Variants in NEGR1 observed in about 807,000 individuals in gnomAD.
NEGR1 encodes IgLON family member 4.
In NEGR1, 10 loss-of-function variants were observed where a neutral mutation model predicts 40.9. That is an observed-to-expected ratio of 0.24 (90% CI 0.15 to 0.42). The LOEUF is 0.42. NEGR1 is among the 10% of genes least tolerant of loss of function. The pLI is 1.00. For missense variants in NEGR1, 352 were observed against 438.9 expected (o/e 0.80, Z 1.77); for synonymous variants, 185 against 166.8 (o/e 1.11, Z -0.84).
intron 1 of NEGR1, among the ~76,000 whole-genome samples, chr1:72,238,526 C>A (rs575086825): frequency 4.2e-4 from 64 of 151,872 alleles, no homozygotes; most frequent in African/African-American, 1.5e-3. Context: ...CAGCCCACTG[C>A]TCTAATAGTC....
At chr1:71,840,922 A>C (rs945583886) in intron 2 of NEGR1, among the ~76,000 whole-genome samples, 1 of 152,186 alleles carries the variant, frequency 6.6e-6, no homozygotes, top group African/African-American at 2.4e-5. Flanking sequence ...CTCTCCATGC[A>C]AGAGAGAACT....
chr1:72,063,075 A>C (rs1267082719), intron 1 of NEGR1, among the ~76,000 whole-genome samples: 1 of 151,612 alleles, frequency 6.6e-6, no homozygotes. Context: ...ATTATGATAT[A>C]GTATTTATTT....
At chr1:72,023,775 C>T (rs990109958) in intron 1 of NEGR1, among the ~76,000 whole-genome samples, 1 of 151,726 alleles carries the variant, frequency 6.6e-6, no homozygotes, top group Non-Finnish European at 1.5e-5. Flanking sequence ...AAGAGAAAAC[C>T]GTTTAATGAA....
intron 5 of NEGR1, among the ~76,000 whole-genome samples, chr1:71,610,143 A>G (rs545028276): frequency 6.6e-6 from 1 of 152,342 alleles, no homozygotes; most frequent in South Asian, 2.1e-4. Flanking sequence ...CAGCATGAGA[A>G]TGGACTAATA....
intron 1 of NEGR1, among the ~76,000 whole-genome samples, chr1:71,939,665 G>T (rs1645941380): frequency 6.6e-6 from 1 of 152,004 alleles, no homozygotes; most frequent in African/African-American, 2.4e-5. Context: ...TCAGTGATCA[G>T]AAAAAAAGGC....
At chr1:72,201,668 G>A (rs892133959) in intron 1 of NEGR1, among the ~76,000 whole-genome samples, 2 of 151,468 alleles carry the variant, frequency 1.3e-5, no homozygotes, top group East Asian at 3.9e-4. Flanking sequence ...ATGTTAAAAT[G>A]TGGTGGGGGG....
intron 6 of NEGR1, among the ~76,000 whole-genome samples, chr1:71,466,911 G>C (rs1175910427): frequency 6.6e-6 from 1 of 152,084 alleles, no homozygotes; most frequent in Non-Finnish European, 1.5e-5. Flanking sequence ...GATTCAGAGA[G>C]CATTTCACAG....
At chr1:71,796,349 A>G (rs554000228) in intron 2 of NEGR1, among the ~76,000 whole-genome samples, 10 of 152,194 alleles carry the variant, frequency 6.6e-5, no homozygotes, top group Admixed American at 1.3e-4. Flanking sequence ...AATGTGCAGC[A>G]CTATCATCAA....
chr1:71,416,497 G>A (rs1303647569), intron 6 of NEGR1, among the ~76,000 whole-genome samples: 1 of 151,986 alleles, frequency 6.6e-6, no homozygotes. Context: ...GATTTTTCCA[G>A]TGAAATGAAG....
At chr1:71,873,963 T>C (rs1396302298) in intron 2 of NEGR1, among the ~76,000 whole-genome samples, 1 of 152,180 alleles carries the variant, frequency 6.6e-6, no homozygotes, top group East Asian at 1.9e-4. Context: ...TTTTCATGCT[T>C]ATTTGCTTCA....
intron 5 of NEGR1, among the ~76,000 whole-genome samples, chr1:71,595,813 C>G (rs1046504981): frequency 6.6e-6 from 1 of 152,114 alleles, no homozygotes; most frequent in Non-Finnish European, 1.5e-5. Context: ...TGAGCCACAG[C>G]TAGAAGCTCC....
chr1:71,587,996 G>T (rs1376403915), intron 6 of NEGR1, among the ~76,000 whole-genome samples: 1 of 152,098 alleles, frequency 6.6e-6, no homozygotes, highest in Non-Finnish European at 1.5e-5. Flanking sequence ...TAGATGGCAA[G>T]TCTTTGAATA....
At position 71,404,936 on chromosome 1, in the gene NEGR1, A is replaced by G. The variant is rs964676941; in HGVS notation, c.*2510T>C. On this transcript the variant is annotated 3_prime_UTR_variant, in exon 7 of 7. Transcript: ENST00000357731. Reference sequence around the variant, plus strand: ...GCAATACATTCACACAAAAAAGCAAATACTGTAGCCTTATTTGACAATATT... The same window carrying G: ...GCAATACATTCACACAAAAAAGCAAGTACTGTAGCCTTATTTGACAATATT... 6.6e-6 allele frequency: 1 copy of G among 152,254 alleles called. No homozygotes were observed. Among genetic ancestry groups the G allele is most frequent in the East Asian group, 1.9e-4 (1 of 5,192 alleles). 9.4% of individuals were successfully genotyped at this position (152,254 alleles called of 1,614,324 possible).
intron 3 of NEGR1, among the ~76,000 whole-genome samples, chr1:71,762,647 G>C (rs1483588200): frequency 6.6e-6 from 1 of 152,032 alleles, no homozygotes; most frequent in Non-Finnish European, 1.5e-5. Flanking sequence ...CTATAACTGG[G>C]AAAGATCTCA....
At chr1:72,048,784 AT>A (rs923494413) in intron 1 of NEGR1, among the ~76,000 whole-genome samples, 1 of 151,564 alleles carries the variant, frequency 6.6e-6, no homozygotes, top group African/African-American at 2.4e-5. Flanking sequence ...CCTTTAACAT[AT>A]TTTTGACACA....
chr1:72,243,581 G>C (rs987510319), intron 1 of NEGR1, among the ~76,000 whole-genome samples: 1 of 151,650 alleles, frequency 6.6e-6, no homozygotes, highest in African/African-American at 2.4e-5. Flanking sequence ...CTGTGCTCCT[G>C]TCCAACCAGT....
chr1:71,559,159 G>A (rs747863286), intron 6 of NEGR1, among the ~76,000 whole-genome samples: 1 of 149,812 alleles, frequency 6.7e-6, no homozygotes, highest in Admixed American at 6.7e-5. Flanking sequence ...TTTTGGCTTT[G>A]CTTATTTTTA....
intron 4 of NEGR1, among the ~76,000 whole-genome samples, chr1:71,649,022 C>T (rs919946540): frequency 2.0e-5 from 3 of 151,974 alleles, no homozygotes; most frequent in African/African-American, 7.2e-5. Flanking sequence ...TATTCTTTTT[C>T]TCATCTACAA....
chr1:71,496,288 A>G (rs1040502276), intron 6 of NEGR1, among the ~76,000 whole-genome samples: 2 of 152,132 alleles, frequency 1.3e-5, no homozygotes, highest in East Asian at 3.9e-4. Context: ...GGAATAGAGG[A>G]ATTAAAAGGG....
Sources: allele counts gnomAD v4.1 joint callset (sites outside exome capture counted in the v4.1 genomes callset), GRCh38; gene constraint gnomAD v4.1.1; transcripts MANE v1.5; gene names NCBI Gene and HGNC (gene_info 2026-07-23, HGNC 2026-07-21).